CHN2: variants seen among roughly 807,000 people sequenced by gnomAD.
The protein encoded by CHN2 is beta-chimaerin.
CHN2 carries 35 observed loss-of-function variants against 56.3 expected under a neutral mutation model. That is an observed-to-expected ratio of 0.62 (90% CI 0.47 to 0.82). The LOEUF (loss-of-function observed/expected upper bound fraction) is 0.82. Among genes scored for constraint, CHN2 ranks in the 40% least tolerant of loss-of-function variants. The probability of loss-of-function intolerance (pLI) is 0.00; values close to 1 mark genes in which losing one functional copy is unlikely to be tolerated. For missense variants in CHN2, 491 were observed against 580.5 expected, an observed-to-expected ratio of 0.85 and a Z score of 1.58; for synonymous variants, 210 against 212.8, an observed-to-expected ratio of 0.99 and a Z score of 0.12.
rs376046517 is a variant in CHN2 at position 29,232,239 on chromosome 7, G to A, written c.49+37249G>A. On this transcript the variant is annotated intron_variant, in intron 1 of 12. Coordinates refer to ENST00000222792, the MANE Select transcript of CHN2 (RefSeq NM_004067.4). The stretch of plus-strand genomic sequence containing the variant: ...ATTTTTTTTTATAGTCAGAATTAGA[G>A]TGAAATGACACTTTAAAATAATAAT... Among the ~76,000 whole-genome samples, 3 of 152,106 alleles carry A rather than the reference G, an allele frequency of 2.0e-5. No individual in the cohort carries two copies. In the East Asian group the frequency reaches 5.8e-4, roughly 29 times the overall value.
intron 1 of CHN2, among the ~76,000 whole-genome samples, chr7:29,259,036 A>G (rs1789318145): frequency 6.6e-6 from 1 of 151,936 alleles, no homozygotes; most frequent in Non-Finnish European, 1.5e-5. Context: ...AAAAAAAAAA[A>G]AAAAGAATGG....
intron 7 of CHN2, among the ~76,000 whole-genome samples, chr7:29,494,491 T>TAA (rs1275631401): frequency 3.3e-5 from 5 of 152,276 alleles, no homozygotes; most frequent in African/African-American, 1.2e-4. Flanking sequence ...GGTAGGCCTC[T>TAA]AAGTGAATTA....
chr7:29,355,259 C>T (rs544240213), intron 2 of CHN2, among the ~76,000 whole-genome samples: 1 of 152,316 alleles, frequency 6.6e-6, no homozygotes, highest in Admixed American at 6.5e-5. Flanking sequence ...GCATGAGCCA[C>T]CGCGCCCAGC....
intron 2 of CHN2, among the ~76,000 whole-genome samples, chr7:29,182,018 A>G (rs1173535032): frequency 6.6e-6 from 1 of 152,226 alleles, no homozygotes; most frequent in African/African-American, 2.4e-5. Context: ...GCTGTAAATG[A>G]CTTTTTCTTA....
intron 1 of CHN2, among the ~76,000 whole-genome samples, chr7:29,274,256 G>T (rs1328009303): frequency 6.6e-6 from 1 of 152,168 alleles, no homozygotes; most frequent in African/African-American, 2.4e-5. Context: ...CATGAGACAG[G>T]CTCCTTTCCC....
At chr7:29,362,379 A>G (rs575024271) in intron 2 of CHN2, among the ~76,000 whole-genome samples, 2 of 152,360 alleles carry the variant, frequency 1.3e-5, no homozygotes, top group South Asian at 4.1e-4. Flanking sequence ...AAGTGAGAAG[A>G]TGCATATAAT....
intron 1 of CHN2, among the ~76,000 whole-genome samples, chr7:29,207,049 G>A (rs1027182442): frequency 3.3e-5 from 5 of 152,206 alleles, no homozygotes; most frequent in Non-Finnish European, 7.3e-5. Context: ...ACACATATCT[G>A]TGAATAAACT....
intron 2 of CHN2, among the ~76,000 whole-genome samples, chr7:29,149,192 T>TTTC: frequency 7.1e-6 from 1 of 141,128 alleles, no homozygotes; most frequent in East Asian, 2.0e-4. Flanking sequence ...TGTTTCCCTT[T>TTTC]TTTTTTTTTT....
chr7:29,319,943 C>T (rs1273074131), intron 1 of CHN2, among the ~76,000 whole-genome samples: 1 of 152,078 alleles, frequency 6.6e-6, no homozygotes, highest in Non-Finnish European at 1.5e-5. Flanking sequence ...TTGGTTATTT[C>T]TGCATTTTCG....
rs1797053574 is a variant in CHN2, at chr7:29,174,734, C to T, written c.274+27774C>T. The stretch of plus-strand genomic sequence containing the variant: ...AATTAGCTGGGCACGGTGGCACACA[C>T]CTGTAATCCCAGCTACTTGGGAGGC... On this transcript the variant is annotated intron_variant, in intron 2 of 6. Coordinates refer to the CHN2 transcript ENST00000439384. Among the ~76,000 whole-genome samples the T allele has an allele frequency of 3.3e-5, 5 of 152,086 alleles. No homozygotes were observed. In the South Asian group the frequency reaches 1.0e-3, roughly 32 times the overall value.
intron 6 of CHN2, among the ~76,000 whole-genome samples, chr7:29,476,155 ACT>A (rs1308490152): frequency 1.3e-5 from 2 of 152,044 alleles, no homozygotes; most frequent in Non-Finnish European, 2.9e-5. Flanking sequence ...AGTCACTTAA[ACT>A]CTCAGCTTCC....
At chr7:29,213,155 T>C in intron 1 of CHN2, 1 of 1,488,342 alleles carries the variant, frequency 6.7e-7, no homozygotes, top group African/African-American at 1.4e-5. Flanking sequence ...ATTTTAGTAC[T>C]CCACAAACCA....
chr7:29,336,813 C>T (rs1024475), intron 1 of CHN2, among the ~76,000 whole-genome samples: 46,263 of 135,538 alleles, frequency 0.34, 8,537 homozygotes, highest in East Asian at 0.37. Flanking sequence ...ACCAGAAAGT[C>T]TCCTTGCTTC....
chr7:29,235,567 C>T (rs1281443290), intron 1 of CHN2, among the ~76,000 whole-genome samples: 1 of 152,206 alleles, frequency 6.6e-6, no homozygotes, highest in Non-Finnish European at 1.5e-5. Context: ...AATCATTCTA[C>T]CATAAAGACA....
At chr7:29,415,256 G>A (rs1803618309) in intron 6 of CHN2, among the ~76,000 whole-genome samples, 1 of 152,186 alleles carries the variant, frequency 6.6e-6, no homozygotes, top group Admixed American at 6.5e-5. Context: ...CATAAACACG[G>A]AGCGACAGGG....
chr7:29,365,978 G>A (rs140760772), intron 2 of CHN2, among the ~76,000 whole-genome samples: 2,651 of 152,238 alleles, frequency 0.017, 34 homozygotes, highest in Middle Eastern at 0.034. Flanking sequence ...CAGGTCTGTC[G>A]ATGAACTGAC....
chr7:29,163,291 T>C (rs1028010362), intron 2 of CHN2, among the ~76,000 whole-genome samples: 1 of 152,158 alleles, frequency 6.6e-6, no homozygotes, highest in Non-Finnish European at 1.5e-5. Flanking sequence ...TGAAAAACAT[T>C]GTAAAATACT....
At chr7:29,213,423 C>T (rs1785108165) in intron 1 of CHN2, among the ~76,000 whole-genome samples, 1 of 152,080 alleles carries the variant, frequency 6.6e-6, no homozygotes, top group South Asian at 2.1e-4. Context: ...ATTGGATCTT[C>T]CGGAGAAAAG....
chr7:29,336,748 A>T (rs1796642612), intron 1 of CHN2, among the ~76,000 whole-genome samples: 1 of 134,272 alleles, frequency 7.4e-6, no homozygotes, highest in South Asian at 2.6e-4. Context: ...TAACAGAGCA[A>T]GATTCTGTCT....
Sources: allele counts gnomAD v4.1 joint callset (sites outside exome capture counted in the v4.1 genomes callset), GRCh38; gene constraint gnomAD v4.1.1; transcripts MANE v1.5; gene names NCBI Gene and HGNC (gene_info 2026-07-23, HGNC 2026-07-21).